SOX5: variants seen among roughly 807,000 people sequenced by gnomAD.
SOX5 encodes the protein transcription factor SOX-5.
In SOX5, 9 loss-of-function variants were observed where a neutral mutation model predicts 92.0. The observed-to-expected ratio is 0.10, with a 90% CI of 0.06 to 0.17. The LOEUF is 0.17. Among genes scored for constraint, SOX5 ranks in the 10% least tolerant of loss-of-function variants. SOX5 has a pLI of 1.00. For missense variants in SOX5, 642 were observed against 944.5 expected (o/e 0.68, Z 4.20); for synonymous variants, 344 against 336.3 (o/e 1.02, Z -0.25).
intron 1 of SOX5, among the ~76,000 whole-genome samples, chr12:24,479,135 T>C (rs2137768258): frequency 6.6e-6 from 1 of 152,350 alleles, no homozygotes. Flanking sequence ...CATAGTTCTC[T>C]CTATAAGAAA....
At chr12:23,621,356 T>C (rs575586582) in intron 8 of SOX5, among the ~76,000 whole-genome samples, 1 of 152,108 alleles carries the variant, frequency 6.6e-6, no homozygotes, top group South Asian at 2.1e-4. Context: ...ATGATGAAAA[T>C]GTACTGGACA....
At chr12:24,202,118 T>C (rs1320436832) in intron 4 of SOX5, among the ~76,000 whole-genome samples, 7 of 152,172 alleles carry the variant, frequency 4.6e-5, no homozygotes. Context: ...ACTAGCAAAA[T>C]ATAAAAGTAT....
intron 4 of SOX5, chr12:24,213,240 C>T (rs180791910): frequency 2.6e-5 from 4 of 151,588 alleles, no homozygotes; most frequent in African/African-American, 9.7e-5. Context: ...AAACCAAGAA[C>T]AACTCAAGCA....
chr12:23,853,542 T>TG (rs2096656033), intron 2 of SOX5, among the ~76,000 whole-genome samples: 1 of 142,884 alleles, frequency 7.0e-6, no homozygotes, highest in Non-Finnish European at 1.5e-5. Context: ...GTGTCTAACG[T>TG]GTTTTTTTTT....
At chr12:24,134,475 C>T (rs937284718) in intron 4 of SOX5, among the ~76,000 whole-genome samples, 1 of 152,124 alleles carries the variant, frequency 6.6e-6, no homozygotes, top group Non-Finnish European at 1.5e-5. Context: ...TAAAAACAGT[C>T]TAAAACCAAC....
chr12:23,732,265 G>C (rs1257241595), intron 6 of SOX5, among the ~76,000 whole-genome samples: 1 of 152,064 alleles, frequency 6.6e-6, no homozygotes, highest in East Asian at 1.9e-4. Context: ...GGGAAAATTA[G>C]TCTGTTCTAC....
At chr12:24,470,581 A>G (rs1944706046) in intron 1 of SOX5, among the ~76,000 whole-genome samples, 1 of 151,812 alleles carries the variant, frequency 6.6e-6, no homozygotes, top group South Asian at 2.1e-4. Context: ...GCAGGGAAAC[A>G]CTCTCATTTT....
chr12:23,677,027 T>A (rs2085820190), intron 6 of SOX5, among the ~76,000 whole-genome samples: 1 of 152,226 alleles, frequency 6.6e-6, no homozygotes, highest in African/African-American at 2.4e-5. Context: ...ATAAAAGTCT[T>A]ATGTTTTAGC....
At chr12:23,940,745 TACACACACACAC>T (rs36124621) in intron 1 of SOX5, among the ~76,000 whole-genome samples, 31 of 139,764 alleles carry the variant, frequency 2.2e-4, no homozygotes, top group African/African-American at 5.9e-4. Context: ...AGATAAGTAT[TACACACACACAC>T]ACACACACAC....
intron 5 of SOX5, among the ~76,000 whole-genome samples, chr12:23,737,615 C>A (rs1046971606): frequency 6.6e-6 from 1 of 152,106 alleles, no homozygotes; most frequent in African/African-American, 2.4e-5. Context: ...AGCAAAAAGC[C>A]GGTGTACATA....
At chr12:23,987,757 T>C (rs764083222) in intron 4 of SOX5, among the ~76,000 whole-genome samples, 14 of 152,162 alleles carry the variant, frequency 9.2e-5, no homozygotes, top group Admixed American at 7.2e-4. Context: ...CAGGCCACCA[T>C]ATTCCAGCCT....
intron 4 of SOX5, among the ~76,000 whole-genome samples, chr12:24,010,189 GT>G (rs1220920393): frequency 1.3e-5 from 2 of 152,102 alleles, no homozygotes; most frequent in Non-Finnish European, 2.9e-5. Flanking sequence ...ATTTGTCAAC[GT>G]TTTCAGAGTC....
chr12:23,986,132 G>C (rs1004897846), intron 4 of SOX5, among the ~76,000 whole-genome samples: 2 of 151,992 alleles, frequency 1.3e-5, no homozygotes, highest in African/African-American at 4.8e-5. Flanking sequence ...ACACATTTAA[G>C]GTTGCAGGGA....
intron 8 of SOX5, among the ~76,000 whole-genome samples, chr12:23,633,457 G>T (rs933110130): frequency 6.6e-6 from 1 of 152,006 alleles, no homozygotes; most frequent in Non-Finnish European, 1.5e-5. Flanking sequence ...TGTAAATAGT[G>T]ATATTCATTT....
chr12:24,146,223 A>G (rs1593598226), intron 4 of SOX5, among the ~76,000 whole-genome samples: 1 of 152,246 alleles, frequency 6.6e-6, no homozygotes, highest in East Asian at 1.9e-4. Context: ...TACAGAGTCC[A>G]TATTTAGTCC....
At chr12:24,229,126 G>A (rs1454618531) in intron 3 of SOX5, among the ~76,000 whole-genome samples, 1 of 152,206 alleles carries the variant, frequency 6.6e-6, no homozygotes, top group East Asian at 1.9e-4. Flanking sequence ...GGTTGTGGAT[G>A]GCACACGTTT....
intron 1 of SOX5, among the ~76,000 whole-genome samples, chr12:24,489,088 T>G (rs998325067): frequency 6.6e-6 from 1 of 152,350 alleles, no homozygotes; most frequent in East Asian, 1.9e-4. Context: ...ACGGGACCAA[T>G]GTGAAACCCC....
chr12:24,479,147 G>A (rs1331759913), intron 1 of SOX5, among the ~76,000 whole-genome samples: 4 of 152,072 alleles, frequency 2.6e-5, no homozygotes. Context: ...TATAAGAAAT[G>A]TCATTTCTCT....
intron 2 of SOX5, among the ~76,000 whole-genome samples, chr12:24,318,290 G>A (rs898823539): frequency 1.3e-5 from 2 of 152,200 alleles, no homozygotes; most frequent in Admixed American, 1.3e-4. Flanking sequence ...CAAGTTTCAA[G>A]GATGTAAGCA....
Sources: gnomAD v4.1 joint callset for allele counts (sites outside exome capture counted in the v4.1 genomes callset) on GRCh38, gnomAD v4.1.1 for gene constraint, MANE v1.5 for transcripts, NCBI Gene and HGNC (gene_info 2026-07-23, HGNC 2026-07-21) for gene names.